NCOA1: variants seen among roughly 807,000 people sequenced by gnomAD.
NCOA1 encodes the protein Hin-2 protein.
Under a neutral mutation model 150.9 loss-of-function variants are expected in NCOA1, and 35 were observed. The observed-to-expected ratio is 0.23, with a 90% confidence interval of 0.18 to 0.31. NCOA1 has a LOEUF of 0.31. NCOA1 is among the 10% of genes least tolerant of loss of function. The pLI is 1.00. For missense variants in NCOA1, 1,491 were observed against 1,749.3 expected, an observed-to-expected ratio of 0.85 and a Z score of 2.63; for synonymous variants, 590 against 630.0, an observed-to-expected ratio of 0.94 and a Z score of 0.95.
intron 14 of NCOA1, among the ~76,000 whole-genome samples, chr2:24,715,334 T>A (rs1038491847): frequency 1.3e-5 from 2 of 152,188 alleles, no homozygotes; most frequent in African/African-American, 4.8e-5. Context: ...ATATGTAATA[T>A]GTAGAAGAAA....
intron 12 of NCOA1, among the ~76,000 whole-genome samples, chr2:24,706,251 A>T (rs1002317337): frequency 6.6e-6 from 1 of 152,116 alleles, no homozygotes; most frequent in African/African-American, 2.4e-5. Flanking sequence ...AAAAGAACAT[A>T]TATTGGATTT....
chr2:24,741,249 CAT>C (rs56348560), intron 18 of NCOA1, among the ~76,000 whole-genome samples: 6,970 of 152,088 alleles, frequency 0.046, 249 homozygotes, highest in East Asian at 0.19. Context: ...CCTATAATCA[CAT>C]GTTATTCATT....
rs1183405187 is a variant in NCOA1 at position 24,576,149 on chromosome 2, G to GTTTTTTTTTTT, written c.-259-8324_-259-8314dup. On this transcript the variant is annotated intron_variant, in intron 2 of 22. Coordinates refer to ENST00000348332, the MANE Select transcript of NCOA1 (RefSeq NM_003743.5). ...GAGTTTCAGAAATTATTTGGCCTTTGTTTTTTTTTTTTTGTTTTTTGTTTT... is the reference window on the plus strand; with the variant it reads ...GAGTTTCAGAAATTATTTGGCCTTTGTTTTTTTTTTTTTTTTTTTTTTTTGTTTTTTGTTTT... Among the ~76,000 whole-genome samples the GTTTTTTTTTTT allele has an allele frequency of 2.5e-3, 234 of 93,992 alleles. 23 individuals are homozygous for GTTTTTTTTTTT. The highest frequency in any genetic ancestry group is 3.5e-3 in the Non-Finnish European group (171 of 48,852). The allele number at this position is 93,992 out of a possible 152,430, so 61.7% of individuals were successfully genotyped here. A position where few individuals can be genotyped will look rare whatever the true frequency, so the allele number is the denominator to read the frequency against.
chr2:24,749,096 C>G (rs182565243), intron 19 of NCOA1, among the ~76,000 whole-genome samples: 8 of 152,318 alleles, frequency 5.3e-5, no homozygotes, highest in Non-Finnish European at 8.8e-5. Context: ...CATTTTTACA[C>G]TTTTAAATTC....
intron 1 of NCOA1, among the ~76,000 whole-genome samples, chr2:24,515,931 A>G (rs759181316): frequency 3.3e-5 from 5 of 152,200 alleles, no homozygotes; most frequent in Non-Finnish European, 5.9e-5. Context: ...AGAAGCCCTC[A>G]GTGAAGCTCC....
chr2:24,732,218 T>C (rs1018850892), intron 17 of NCOA1, among the ~76,000 whole-genome samples: 1 of 152,232 alleles, frequency 6.6e-6, no homozygotes, highest in Non-Finnish European at 1.5e-5. Flanking sequence ...GAGAATAAGA[T>C]GCAAATAAGT....
At chr2:24,763,781 C>T (rs1052139968) in intron 22 of NCOA1, among the ~76,000 whole-genome samples, 4 of 151,436 alleles carry the variant, frequency 2.6e-5, no homozygotes, top group African/African-American at 4.9e-5. Context: ...CCACCATGCC[C>T]GGCTAATTTT....
chr2:24,505,679 C>T (rs568121842), intron 1 of NCOA1, among the ~76,000 whole-genome samples: 5 of 152,182 alleles, frequency 3.3e-5, no homozygotes, highest in African/African-American at 9.6e-5. Context: ...TAGGTCATAG[C>T]ATCCTTCCCT....
In NCOA1 at chr2:24,706,502, T is replaced by C. The variant is rs1287414338; in HGVS notation, c.1098-66T>C. 2.7e-6 allele frequency: 4 copies of C among 1,467,264 alleles called. No homozygotes were observed. In the African/African-American group the frequency reaches 5.7e-5, roughly 21 times the overall value. The allele number at this position is 1,467,264 out of a possible 1,614,324, so 90.9% of individuals were successfully genotyped here. On this transcript the variant is annotated intron_variant, in intron 12 of 22. Coordinates refer to ENST00000348332, the MANE Select transcript of NCOA1 (RefSeq NM_003743.5). Reference sequence around the variant, plus strand: ...ATCAATGGTCTTGTTTTAGAATATGTATCATAAAAATATTTTAATAGAAAC... The same window carrying C: ...ATCAATGGTCTTGTTTTAGAATATGCATCATAAAAATATTTTAATAGAAAC...
intron 17 of NCOA1, among the ~76,000 whole-genome samples, chr2:24,739,073 C>A (rs904930588): frequency 6.6e-6 from 1 of 152,078 alleles, no homozygotes; most frequent in African/African-American, 2.4e-5. Context: ...TATTTTAAGA[C>A]CTAGGGCTGG....
chr2:24,552,031 A>G (rs1665849090), intron 1 of NCOA1, among the ~76,000 whole-genome samples: 2 of 152,036 alleles, frequency 1.3e-5, no homozygotes, highest in African/African-American at 4.8e-5. Context: ...GCAGAATCAC[A>G]ATGTCTTAAT....
intron 22 of NCOA1, among the ~76,000 whole-genome samples, chr2:24,766,956 G>A (rs535448752): frequency 2.0e-5 from 3 of 151,998 alleles, no homozygotes; most frequent in African/African-American, 7.2e-5. Flanking sequence ...GGGAAGAGAA[G>A]GAGAGAAAAG....
At chr2:24,568,396 G>A (rs145147025) in intron 2 of NCOA1, among the ~76,000 whole-genome samples, 238 of 152,188 alleles carry the variant, frequency 1.6e-3, no homozygotes, top group Middle Eastern at 6.8e-3. Flanking sequence ...TTATATTAAG[G>A]GAATGGATAT....
intron 17 of NCOA1, among the ~76,000 whole-genome samples, chr2:24,730,519 TTATTTA>T: frequency 6.6e-6 from 1 of 152,258 alleles, no homozygotes; most frequent in Non-Finnish European, 1.5e-5. Flanking sequence ...AAAATAAAGT[TTATTTA>T]TATTGATTGA....
At chr2:24,765,185 AAAAG>A (rs1362070849) in intron 22 of NCOA1, among the ~76,000 whole-genome samples, 2 of 151,830 alleles carry the variant, frequency 1.3e-5, no homozygotes, top group South Asian at 2.1e-4. Context: ...TCAAAAAAAA[AAAAG>A]AGAGAGAGAG....
intron 1 of NCOA1, among the ~76,000 whole-genome samples, chr2:24,497,275 T>C (rs1196703095): frequency 6.6e-6 from 1 of 152,138 alleles, no homozygotes. Flanking sequence ...TTTTTCTTTC[T>C]GGACTTTCTT....
intron 14 of NCOA1, chr2:24,711,506 A>C (rs1414655803): frequency 1.3e-5 from 2 of 155,394 alleles, no homozygotes; most frequent in African/African-American, 2.4e-5. Flanking sequence ...CAAATGCTAC[A>C]TGTTCCATAC....
chr2:24,750,913 T>G (rs779226476), intron 19 of NCOA1, among the ~76,000 whole-genome samples: 19 of 143,762 alleles, frequency 1.3e-4, no homozygotes, highest in Non-Finnish European at 2.0e-4. Flanking sequence ...GAATAAAGCT[T>G]AAAAGGGGGA....
At chr2:24,658,251 T>A (rs1338866202) in intron 4 of NCOA1, among the ~76,000 whole-genome samples, 1 of 152,212 alleles carries the variant, frequency 6.6e-6, no homozygotes, top group Non-Finnish European at 1.5e-5. Context: ...TTATTTTAAA[T>A]TCTTTTGAAA....
Sources: allele counts gnomAD v4.1 joint callset (sites outside exome capture counted in the v4.1 genomes callset), GRCh38; gene constraint gnomAD v4.1.1; transcripts MANE v1.5; gene names NCBI Gene and HGNC (gene_info 2026-07-23, HGNC 2026-07-21).